SLCO3A1: variants seen among roughly 807,000 people sequenced by gnomAD.
SLCO3A1 encodes PGE1 transporter.
SLCO3A1 carries 27 observed loss-of-function variants against 63.1 expected under a neutral mutation model. The ratio of observed to expected loss-of-function variants is 0.43; its 90% CI spans 0.32 to 0.59. The LOEUF is 0.59. Among genes scored for constraint, SLCO3A1 ranks in the 20% least tolerant of loss-of-function variants. The pLI, the probability that SLCO3A1 is intolerant of heterozygous loss-of-function variation, is 0.09. For missense variants in SLCO3A1, 773 were observed against 945.8 expected (o/e 0.82, Z 2.40); for synonymous variants, 473 against 409.9 (o/e 1.15, Z -1.86).
chr15:92,047,908 G>T (rs1322893387), intron 2 of SLCO3A1, among the ~76,000 whole-genome samples: 1 of 151,618 alleles, frequency 6.6e-6, no homozygotes, highest in Non-Finnish European at 1.5e-5. Context: ...AATGTACCGG[G>T]CACTTCATCT....
intron 1 of SLCO3A1, among the ~76,000 whole-genome samples, chr15:91,873,270 C>T (rs913781806): frequency 2.0e-5 from 3 of 152,070 alleles, no homozygotes; most frequent in African/African-American, 4.8e-5. Flanking sequence ...GTTTTCTCCT[C>T]GAAAACAAAA....
chr15:92,158,057 C>T (rs1376603653), intron 9 of SLCO3A1, among the ~76,000 whole-genome samples: 1 of 152,212 alleles, frequency 6.6e-6, no homozygotes, highest in Non-Finnish European at 1.5e-5. Flanking sequence ...ACGATGACAA[C>T]TCCGTGTCTC....
At position 91,886,629 on chromosome 15, in the gene SLCO3A1, C is replaced by T. The variant is rs117881949; in HGVS notation, c.181-29364C>T. Among the ~76,000 whole-genome samples, 1,190 of 152,344 alleles carry T rather than the reference C, an allele frequency of 7.8e-3. 12 individuals are homozygous for T. Among genetic ancestry groups the T allele is most frequent in the Middle Eastern group, 0.027 (8 of 294 alleles). ...TGCTTACTGATTCCTAAGTCACCTA[C>T]TGGCACACAGCACAGATGCATCCAA... is the stretch of plus-strand genomic sequence containing the variant. On this transcript the variant is annotated intron_variant, in intron 1 of 9. Coordinates refer to ENST00000318445, the MANE Select transcript of SLCO3A1 (RefSeq NM_013272.4). This position sits in a 1 kb window ranked among gnomAD's most constrained non-coding sequence, Gnocchi z 4.9.
At chr15:92,146,465 C>G (rs2074886) in intron 7 of SLCO3A1, among the ~76,000 whole-genome samples, 56,819 of 152,172 alleles carry the variant, frequency 0.37, 10,856 homozygotes, top group African/African-American at 0.44. Context: ...CTGTCCCTCG[C>G]CCAGCCTTGC....
intron 7 of SLCO3A1, among the ~76,000 whole-genome samples, chr15:92,144,468 C>T (rs2048193865): frequency 6.6e-6 from 1 of 152,232 alleles, no homozygotes; most frequent in Non-Finnish European, 1.5e-5. Context: ...TCTAGGGATT[C>T]AGTCATTCCT....
chr15:92,147,176 GC>G lies in SLCO3A1; in HGVS notation c.1688+21del, dbSNP rs749100174. The G allele has an allele frequency of 1.9e-6, 3 of 1,595,636 alleles. No homozygotes were observed. In the East Asian group the frequency reaches 6.7e-5, roughly 36 times the overall value. Reference sequence around the variant, plus strand: ...CCTCATCAGGTAAGCCCTCGGCACAGCCCCGCCTCTCCTCCTTTCCACCTGG... The same window carrying G: ...CCTCATCAGGTAAGCCCTCGGCACAGCCCGCCTCTCCTCCTTTCCACCTGG... On this transcript the variant is annotated intron_variant, in intron 8 of 9. Coordinates refer to ENST00000318445, the MANE Select transcript of SLCO3A1 (RefSeq NM_013272.4).
chr15:92,111,234 G>C (rs1466043963), intron 4 of SLCO3A1, among the ~76,000 whole-genome samples: 2 of 152,190 alleles, frequency 1.3e-5, no homozygotes, highest in African/African-American at 4.8e-5. Context: ...CCCACTTCAT[G>C]CTTCTGCATC....
intron 9 of SLCO3A1, among the ~76,000 whole-genome samples, chr15:92,159,900 A>T (rs1169252100): frequency 6.6e-6 from 1 of 152,144 alleles, no homozygotes; most frequent in African/African-American, 2.4e-5. Context: ...TTATTAACGA[A>T]TTTGGTTCCT....
intron 2 of SLCO3A1, among the ~76,000 whole-genome samples, chr15:91,957,678 A>G (rs1309320028): frequency 3.3e-5 from 5 of 152,056 alleles, no homozygotes; most frequent in African/African-American, 9.7e-5. Context: ...GGCCCTTCCT[A>G]TTGGCCTTAT....
At chr15:92,094,612 T>A (rs895775836) in intron 2 of SLCO3A1, among the ~76,000 whole-genome samples, 1 of 152,232 alleles carries the variant, frequency 6.6e-6, no homozygotes, top group African/African-American at 2.4e-5. Context: ...TATTTTAATA[T>A]GTTTGATGTG....
At chr15:92,091,606 TC>T (rs2047477567) in intron 2 of SLCO3A1, among the ~76,000 whole-genome samples, 1 of 152,192 alleles carries the variant, frequency 6.6e-6, no homozygotes, top group African/African-American at 2.4e-5. Context: ...TGAAGGCACT[TC>T]CCGATGCACG....
intron 9 of SLCO3A1, among the ~76,000 whole-genome samples, chr15:92,158,365 G>GA (rs1454719874): frequency 6.6e-6 from 1 of 152,156 alleles, no homozygotes; most frequent in African/African-American, 2.4e-5. Context: ...AACAAAGTCT[G>GA]AATTAGAAGG....
intron 3 of SLCO3A1, among the ~76,000 whole-genome samples, chr15:92,097,193 A>G (rs1378865724): frequency 1.3e-5 from 2 of 152,244 alleles, no homozygotes; most frequent in Non-Finnish European, 2.9e-5. Context: ...AAAGAGCCTC[A>G]GACATCATTC....
At chr15:92,103,187 C>T (rs762064491) in intron 3 of SLCO3A1, among the ~76,000 whole-genome samples, 1 of 152,160 alleles carries the variant, frequency 6.6e-6, no homozygotes, top group Non-Finnish European at 1.5e-5. Flanking sequence ...CTGGTCCAGG[C>T]CTGCAGCCCT....
intron 2 of SLCO3A1, among the ~76,000 whole-genome samples, chr15:92,069,089 TCCCCCCGCC>T (rs1264133035): frequency 1.5e-4 from 9 of 59,152 alleles, no homozygotes; most frequent in East Asian, 1.3e-3. Context: ...ATTCAAGGGC[TCCCCCCGCC>T]CCCCCCCCGC....
intron 2 of SLCO3A1, among the ~76,000 whole-genome samples, chr15:91,987,778 G>C (rs2046073205): frequency 6.6e-6 from 1 of 151,578 alleles, no homozygotes; most frequent in Admixed American, 6.6e-5. Context: ...ATTAATTGTG[G>C]TCGCAGCTCA....
intron 1 of SLCO3A1, among the ~76,000 whole-genome samples, chr15:91,907,136 T>C (rs891945648): frequency 6.6e-6 from 1 of 152,026 alleles, no homozygotes; most frequent in African/African-American, 2.4e-5. Context: ...AAGGTGCAAA[T>C]AGTGAAGTAG....
At position 92,047,498 on chromosome 15, in the gene SLCO3A1, TATATAAATATATATAAATACATAA is replaced by T. The variant is rs1258463075; in HGVS notation, c.647-47379_647-47356del. 2.0e-3 allele frequency among the ~76,000 whole-genome samples: 77 copies of T among 38,516 alleles called. 19 individuals are homozygous for T. Among genetic ancestry groups the T allele is most frequent in the African/African-American group, 6.2e-3 (68 of 10,918 alleles). 25.3% of individuals were successfully genotyped at this position (38,516 alleles called of 152,430 possible). ...ATATATATAAATATATATATAAATA[TATATAAATATATATAAATACATAA>T]ATAAATATATAAATATATATAATAT... On this transcript the variant is annotated intron_variant, in intron 2 of 9. Coordinates refer to ENST00000318445, the MANE Select transcript of SLCO3A1 (RefSeq NM_013272.4).
chr15:92,083,090 C>T (rs920223565), intron 2 of SLCO3A1, among the ~76,000 whole-genome samples: 2 of 152,178 alleles, frequency 1.3e-5, no homozygotes. Context: ...CTGCTGAATG[C>T]ATTACTTTTA....
Sources: gnomAD v4.1 joint callset for allele counts (sites outside exome capture counted in the v4.1 genomes callset) on GRCh38, gnomAD v4.1.1 for gene constraint, Gnocchi (gnomAD v3.1) non-coding constraint, MANE v1.5 for transcripts, NCBI Gene and HGNC (gene_info 2026-07-23, HGNC 2026-07-21) for gene names.